Variants in DTNA observed in about 807,000 individuals in gnomAD.
DTNA encodes dystrophin-related protein 3.
DTNA carries 43 observed loss-of-function variants against 100.7 expected under a neutral mutation model. That is an observed-to-expected ratio of 0.43 (90% confidence interval 0.33 to 0.55). The LOEUF is 0.55. DTNA is among the 20% of genes least tolerant of loss of function. The pLI, the probability that DTNA is intolerant of heterozygous loss-of-function variation, is 0.04. For missense variants in DTNA, 798 were observed against 953.9 expected, an observed-to-expected ratio of 0.84 and a Z score of 2.15; for synonymous variants, 349 against 347.9, an observed-to-expected ratio of 1.00 and a Z score of -0.04.
At chr18:34,854,969 G>A (rs2096535376) in intron 15 of DTNA, among the ~76,000 whole-genome samples, 1 of 152,190 alleles carries the variant, frequency 6.6e-6, no homozygotes, top group Admixed American at 6.5e-5. Context: ...AAATTTAAAT[G>A]TGAGGTGTTA....
chr18:34,721,940 C>T (rs541061698), intron 1 of DTNA, among the ~76,000 whole-genome samples: 277 of 152,208 alleles, frequency 1.8e-3, no homozygotes, highest in Non-Finnish European at 3.2e-3. Context: ...GAAAAGAAGT[C>T]GGGGCATATG....
chr18:34,552,712 AT>A (rs2045572460), intron 1 of DTNA, among the ~76,000 whole-genome samples: 1 of 151,434 alleles, frequency 6.6e-6, no homozygotes, highest in Non-Finnish European at 1.5e-5. Flanking sequence ...TGAACTCATC[AT>A]TTTTTATGGT....
At chr18:34,637,621 G>C (rs1354129612) in intron 1 of DTNA, among the ~76,000 whole-genome samples, 1 of 152,178 alleles carries the variant, frequency 6.6e-6, no homozygotes, top group Non-Finnish European at 1.5e-5. Flanking sequence ...GCATCTAGCA[G>C]CATTTCCTCT....
intron 1 of DTNA, among the ~76,000 whole-genome samples, chr18:34,626,027 C>T (rs1378371539): frequency 6.6e-6 from 1 of 152,226 alleles, no homozygotes; most frequent in South Asian, 2.1e-4. Context: ...ACAGGAAATT[C>T]TCGTAGACTG....
At chr18:34,556,989 C>G (rs1598556757) in intron 1 of DTNA, among the ~76,000 whole-genome samples, 5 of 149,216 alleles carry the variant, frequency 3.4e-5, no homozygotes, top group South Asian at 2.1e-4. Flanking sequence ...TCCATTCTCC[C>G]CATCACTTTC....
At chr18:34,564,212 G>A (rs989520717) in intron 1 of DTNA, among the ~76,000 whole-genome samples, 1 of 151,732 alleles carries the variant, frequency 6.6e-6, no homozygotes, top group Non-Finnish European at 1.5e-5. Flanking sequence ...GCTCAATCTT[G>A]GCTCACTGAA....
intron 4 of DTNA, among the ~76,000 whole-genome samples, chr18:34,796,698 A>G (rs543570959): frequency 3.3e-5 from 5 of 152,354 alleles, no homozygotes; most frequent in African/African-American, 1.2e-4. Context: ...TAAATAAAAA[A>G]GAAAGGCAGT....
At chr18:34,807,235 A>G (rs1218732782) in intron 5 of DTNA, among the ~76,000 whole-genome samples, 1 of 152,206 alleles carries the variant, frequency 6.6e-6, no homozygotes, top group East Asian at 1.9e-4. Flanking sequence ...CCTAAATAGT[A>G]TGAGTTGGGG....
chr18:34,884,654 A>G, intron 21 of DTNA, 74 bp from the exon 22 acceptor site: 1 of 1,549,766 alleles, frequency 6.5e-7, no homozygotes, highest in Non-Finnish European at 8.9e-7. Flanking sequence ...CTTCCCGCCA[A>G]ATAATTCACC....
intron 1 of DTNA, among the ~76,000 whole-genome samples, chr18:34,507,860 A>G (rs978749887): frequency 6.6e-6 from 1 of 151,408 alleles, no homozygotes; most frequent in Non-Finnish European, 1.5e-5. Context: ...GCACTAGAGT[A>G]ATCCCTCCAA....
chr18:34,817,567 C>A (rs139616438), intron 7 of DTNA, among the ~76,000 whole-genome samples: 1 of 150,566 alleles, frequency 6.6e-6, no homozygotes, highest in East Asian at 1.9e-4. Context: ...GCCCTATACA[C>A]CTGCCTCAGG....
chr18:34,851,745 T>C, intron 14 of DTNA, 86 bp from the exon 15 acceptor site: 3 of 1,344,020 alleles, frequency 2.2e-6, no homozygotes, highest in Non-Finnish European at 3.2e-6. Context: ...CCCTCCTCCT[T>C]GTCTGCATAT....
intron 1 of DTNA, among the ~76,000 whole-genome samples, chr18:34,501,879 A>G (rs1237404027): frequency 6.6e-6 from 1 of 152,158 alleles, no homozygotes; most frequent in Non-Finnish European, 1.5e-5. Flanking sequence ...CTGTGTGTCC[A>G]AATTTCCTCT....
At chr18:34,693,882 A>G (rs2080141527) in intron 1 of DTNA, among the ~76,000 whole-genome samples, 1 of 152,152 alleles carries the variant, frequency 6.6e-6, no homozygotes, top group Non-Finnish European at 1.5e-5. Context: ...AAAGGCAACT[A>G]AAGTGATTAG....
chr18:34,524,349 A>G (rs1464614445), intron 1 of DTNA, among the ~76,000 whole-genome samples: 1 of 151,316 alleles, frequency 6.6e-6, no homozygotes, highest in African/African-American at 2.5e-5. Context: ...TTATTTTGAC[A>G]TGTGACAAAC....
intron 3 of DTNA, among the ~76,000 whole-genome samples, chr18:34,774,753 GAGAT>G (rs1337590510): frequency 6.6e-6 from 1 of 152,168 alleles, no homozygotes; most frequent in Non-Finnish European, 1.5e-5. Flanking sequence ...AAGCAAAAGA[GAGAT>G]AGAAGTTGGT....
At chr18:34,570,580 TCA>T (rs2047491726) in intron 1 of DTNA, among the ~76,000 whole-genome samples, 1 of 152,222 alleles carries the variant, frequency 6.6e-6, no homozygotes, top group Non-Finnish European at 1.5e-5. Context: ...CCTGAATACT[TCA>T]CTTTTATTCC....
intron 1 of DTNA, among the ~76,000 whole-genome samples, chr18:34,694,505 A>G (rs964973796): frequency 6.6e-6 from 1 of 152,224 alleles, no homozygotes; most frequent in Admixed American, 6.5e-5. Context: ...TGATAGTTTC[A>G]AATTAGCAAA....
At chr18:34,817,159 G>T (rs1479979237) in intron 7 of DTNA, among the ~76,000 whole-genome samples, 1 of 152,176 alleles carries the variant, frequency 6.6e-6, no homozygotes, top group African/African-American at 2.4e-5. Context: ...GTTGTCCCTA[G>T]ATTGAAGTCC....
Sources: gnomAD v4.1 joint callset for allele counts (sites outside exome capture counted in the v4.1 genomes callset) on GRCh38, gnomAD v4.1.1 for gene constraint, MANE v1.5 for transcripts, NCBI Gene and HGNC (gene_info 2026-07-23, HGNC 2026-07-21) for gene names.